The following SLC11A1 variants were observed in gnomAD, a reference collection of about 807,000 sequenced individuals.
SLC11A1 encodes the protein natural resistance-associated macrophage protein 1.
A neutral mutation model predicts 63.2 loss-of-function variants in SLC11A1; 59 were observed. That is an observed-to-expected ratio of 0.93 (90% CI 0.76 to 1.16). SLC11A1 has a LOEUF of 1.16. Ranked by LOEUF, SLC11A1 falls within the 50% of genes most tolerant of loss-of-function variation. The probability of loss-of-function intolerance (pLI) is 0.00; values close to 1 mark genes in which losing one functional copy is unlikely to be tolerated. For synonymous variants in SLC11A1, 305 were observed against 307.8 expected (o/e 0.99, Z 0.09); for missense variants, 688 against 730.7 (o/e 0.94, Z 0.67).
intron 11 of SLC11A1, chr2:218,391,803 A>T: frequency 3.1e-6 from 1 of 324,390 alleles, no homozygotes; most frequent in East Asian, 7.7e-5. Flanking sequence ...TTGTACTTTT[A>T]GTAGAGACAG....
intron 5 of SLC11A1, 95 bp downstream of exon 5, chr2:218,386,836 C>G (rs570403407): frequency 1.1e-6 from 1 of 884,310 alleles, no homozygotes; most frequent in Non-Finnish European, 1.9e-6. Flanking sequence ...TCTATTTTAT[C>G]CTGCTGTCCC....
chr2:218,385,011 C>T, intron 3 of SLC11A1, 136 bp from the exon 4 acceptor site: 3 of 1,165,466 alleles, frequency 2.6e-6, no homozygotes, highest in Non-Finnish European at 3.6e-6. Flanking sequence ...GGTGAGCTAC[C>T]AGCGCCCAGC....
At position 218,395,624 on chromosome 2, in the gene SLC11A1, GTGTATTTTCAGCAGAGACGGGGTT is replaced by G. The variant is rs1696715467; in HGVS notation, c.*592_*615del. ...GCGCGCCACCACGCCCAGCTAATTT[GTGTATTTTCAGCAGAGACGGGGTT>G]TGCCATGCTGGCCAGGCTGGTCTCG... On this transcript the variant is annotated 3_prime_UTR_variant, in exon 15 of 15. Coordinates refer to ENST00000233202, the MANE Select transcript of SLC11A1 (RefSeq NM_000578.4). 6.6e-6 allele frequency: 1 copy of G among 152,406 alleles called. No homozygotes were observed. Among genetic ancestry groups the G allele is most frequent in the African/African-American group, 2.4e-5 (1 of 41,416 alleles). The allele number at this position is 152,406 out of a possible 1,614,324, so 9.4% of individuals were successfully genotyped here. A position where few individuals can be genotyped will look rare whatever the true frequency, so the allele number is the denominator to read the frequency against.
At chr2:218,386,376 C>T (rs1273455646) in intron 4 of SLC11A1, among the ~76,000 whole-genome samples, 1 of 151,296 alleles carries the variant, frequency 6.6e-6, no homozygotes, top group East Asian at 1.9e-4. Context: ...CGCTTGAACA[C>T]GGGAGGCGGA....
Position 218,387,145 on chromosome 2 carries a change from C to T in SLC11A1, c.501-15C>T. 1 of 1,613,696 alleles carries T rather than the reference C, an allele frequency of 6.2e-7. No homozygotes were observed. ...CTGGACCAGGCTGGGCTGACCCGGG[C>T]CACTCTGGTTTCAGAATCCCACTCT... is the stretch of plus-strand genomic sequence containing the variant. On this transcript the variant is annotated splice_polypyrimidine_tract_variant and intron_variant, in intron 5 of 14. Coordinates refer to ENST00000233202, the MANE Select transcript of SLC11A1 (RefSeq NM_000578.4).
At chr2:218,386,889 TGA>T in intron 5 of SLC11A1, 148 bp downstream of exon 5, 1 of 688,626 alleles carries the variant, frequency 1.5e-6, no homozygotes, top group Non-Finnish European at 2.6e-6. Flanking sequence ...AAATGTAAAG[TGA>T]CTTGTCTAAA....
At chr2:218,385,544 C>A in intron 4 of SLC11A1, 2 of 463,830 alleles carry the variant, frequency 4.3e-6, no homozygotes, top group South Asian at 3.3e-5. Context: ...GCGCCCACCA[C>A]CATCATCGGC....
intron 13 of SLC11A1, 68 bp from the exon 14 acceptor site, chr2:218,394,564 T>A: frequency 6.4e-7 from 1 of 1,550,410 alleles, no homozygotes; most frequent in Non-Finnish European, 8.8e-7. Flanking sequence ...CGCTGGGAGA[T>A]GAAGAGGAGT....
rs771873667 is a variant in SLC11A1, at chr2:218,389,984, G to C, written c.910G>C (p.Ala304Pro). The part of the protein sequence containing the change: ...VSFIINLFVM[A>P]VFGQAFYQKT... The stretch of plus-strand genomic sequence containing the variant: ...CTTTATCATCAACCTCTTTGTCATG[G>C]CTGTCTTTGGGCAGGCCTTCTACCA... Residue 304 changes from alanine to proline, a missense_variant, in exon 9 of 15, where the codon GCT (alanine) becomes CCT (proline). Transcript: ENST00000233202. The C allele has an allele frequency of 6.2e-7, 1 of 1,613,708 alleles. No homozygotes were observed. Among genetic ancestry groups the C allele is most frequent in the Non-Finnish European group, 8.5e-7 (1 of 1,179,846 alleles).
intron 3 of SLC11A1, 31 bp from the exon 4 acceptor site, chr2:218,385,116 T>TGGCTGAAGGCCTCTCC: frequency 6.2e-7 from 1 of 1,612,078 alleles, no homozygotes. Context: ...CTGGCCTCTC[T>TGGCTGAAGGCCTCTCC]GGCTGAAGGC....
At position 218,389,890 on chromosome 2, in the gene SLC11A1, C is replaced by T; in HGVS notation, c.816C>T (p.Ala272=). The change falls in exon 9 of 15, where the codon GCC becomes GCT. Residue 272 remains alanine, a synonymous_variant. Coordinates refer to ENST00000233202, the MANE Select transcript of SLC11A1 (RefSeq NM_000578.4). The part of the protein sequence containing the change: ...ALVKSREIDR[A]RRADIREANM... ...CGTAGTCTCGAGAGATAGACCGGGC[C>T]CGCCGAGCAGACATCAGAGAAGCCA... The T allele has an allele frequency of 1.2e-6, 2 of 1,612,668 alleles. No individual in the cohort carries two copies. The highest frequency in any genetic ancestry group is 1.7e-6 in the Non-Finnish European group (2 of 1,179,204).
chr2:218,396,413 C>G lies in SLC11A1; in HGVS notation c.*1378C>G, dbSNP rs947000563. The G allele has an allele frequency of 2.6e-5, 4 of 152,438 alleles. No individual in the cohort carries two copies. Among genetic ancestry groups the G allele is most frequent in the African/African-American group, 9.6e-5 (4 of 41,476 alleles). The allele number at this position is 152,438 out of a possible 1,614,324, so 9.4% of individuals were successfully genotyped here. On this transcript the variant is annotated 3_prime_UTR_variant, in exon 15 of 15. Transcript: ENST00000233202. ...GAGGGCCGCAGCGAGGAGAGGCCAA[C>G]AGGCCTTTCCCTAGAGTTGAACCTG...
Position 218,384,478 on chromosome 2 carries a change from A to C in SLC11A1, c.273+113A>C. 7.4e-7 allele frequency: 1 copy of C among 1,350,834 alleles called. No individual in the cohort carries two copies. The highest frequency in any genetic ancestry group is 2.4e-5 in the East Asian group (1 of 41,122). 83.7% of individuals were successfully genotyped at this position (1,350,834 alleles called of 1,614,324 possible). ...CAATGTGGCCTGGGAGCTGGTGTTAAGTTCAAATGGGCCCGAAAAGGGTCC... is the reference window on the plus strand; with the variant it reads ...CAATGTGGCCTGGGAGCTGGTGTTACGTTCAAATGGGCCCGAAAAGGGTCC... On this transcript the variant is annotated intron_variant, in intron 3 of 14. Transcript: ENST00000233202. The surrounding 1 kb of genome is among the most constrained non-coding windows in gnomAD (Gnocchi z 4.0).
Position 218,394,918 on chromosome 2 carries a change from C to T in SLC11A1, c.1543-7C>T, listed in dbSNP as rs1483473872. 7 of 1,610,980 alleles carry T rather than the reference C, an allele frequency of 4.3e-6. No individual in the cohort carries two copies. Among genetic ancestry groups the T allele is most frequent in the South Asian group, 1.1e-5 (1 of 90,670 alleles). On this transcript the variant is annotated splice_polypyrimidine_tract_variant and splice_region_variant and intron_variant, in intron 14 of 14. Coordinates refer to ENST00000233202, the MANE Select transcript of SLC11A1 (RefSeq NM_000578.4). ...ATCTCCCCAATTCATGGTTGCCCCT[C>T]CCCCAGGTCTGGACCTGTTGCCTTG...
rs374418808 is a variant in SLC11A1 at position 218,387,750 on chromosome 2, G to A, written c.640-50G>A. The stretch of plus-strand genomic sequence containing the variant: ...ATGGAGGCTGAGAAATGGTGACCGC[G>A]GCGTGGTTGCGAGGGGCGGGGCTTG... On this transcript the variant is annotated intron_variant, in intron 7 of 14. Transcript: ENST00000233202. 5.0e-6 allele frequency: 8 copies of A among 1,611,908 alleles called. No homozygotes were observed. In the Admixed American group the frequency reaches 6.7e-5, roughly 13 times the overall value.
intron 8 of SLC11A1, among the ~76,000 whole-genome samples, chr2:218,389,104 A>AAAT (rs138562502): frequency 0.076 from 11,241 of 147,584 alleles, 443 homozygotes; most frequent in South Asian, 0.12. Flanking sequence ...GACCCTGTCA[A>AAAT]AATAATAATA....
Position 218,393,105 on chromosome 2 carries a change from T to G in SLC11A1, c.1289T>G (p.Leu430Arg). 4 of 1,587,314 alleles carry G rather than the reference T, an allele frequency of 2.5e-6. No individual in the cohort carries two copies. The highest frequency in any genetic ancestry group is 3.4e-6 in the Non-Finnish European group (4 of 1,172,240). Residue 430 changes from leucine (L) to arginine (R), a missense_variant, in exon 12 of 15, where the codon CTG (leucine) becomes CGG (arginine). By Grantham distance (102) the Leu-to-Arg change is moderately radical. Coordinates refer to ENST00000233202, the MANE Select transcript of SLC11A1 (RefSeq NM_000578.4). ...AGGGACTTGTCGGGCCTCAATGATC[T>G]GCTCAACGTGCTGCAGAGCCTGCTG... Reference protein sequence around the residue: ...DLRDLSGLNDLLNVLQSLLLP... With the variant: ...DLRDLSGLNDRLNVLQSLLLP...
In SLC11A1 at chr2:218,394,157, G is replaced by A. The variant is rs1696617586; in HGVS notation, c.1352G>A (p.Ser451Asn). 1 of 1,614,026 alleles carries A rather than the reference G, an allele frequency of 6.2e-7. No individual in the cohort carries two copies. The highest frequency in any genetic ancestry group is 1.3e-5 in the African/African-American group (1 of 74,926). Residue 451 changes from serine (S) to asparagine (N), a missense_variant, in exon 13 of 15, where the codon AGC becomes AAC. Physicochemically the swap from Ser to Asn is conservative, Grantham distance 46. Coordinates refer to ENST00000233202, the MANE Select transcript of SLC11A1 (RefSeq NM_000578.4). ...GTGCTGCCCATCCTCACGTTCACCA[G>A]CATGCCCACCCTCATGCAGGAGTTT... ...FAVLPILTFTSMPTLMQEFAN... is the reference protein window; with the variant it reads ...FAVLPILTFTNMPTLMQEFAN...
In SLC11A1 at chr2:218,392,362, CTCTT is replaced by C. The variant is rs534757922; in HGVS notation, c.1165-609_1165-606del. The C allele has an allele frequency of 1.7e-4, 28 of 166,376 alleles. No individual in the cohort carries two copies. The East Asian group carries it at 2.7e-3, about 16-fold the overall frequency. The allele number at this position is 166,376 out of a possible 1,614,324, so 10.3% of individuals were successfully genotyped here. On this transcript the variant is annotated intron_variant, in intron 11 of 14. Coordinates refer to ENST00000233202, the MANE Select transcript of SLC11A1 (RefSeq NM_000578.4). ...TACAGGCGTGAGCCACCGCGCCCGG[CTCTT>C]TCTTTCTTTTTTGAGACAGGATTTC...
Sources: allele counts gnomAD v4.1 joint callset (sites outside exome capture counted in the v4.1 genomes callset), GRCh38; gene constraint gnomAD v4.1.1; non-coding constraint Gnocchi (gnomAD v3.1); transcripts MANE v1.5; gene names NCBI Gene and HGNC (gene_info 2026-07-23, HGNC 2026-07-21).